Variants in OTC observed in about 807,000 individuals in gnomAD.
OTC encodes ornithine transcarbamylase.
OTC carries 3 observed loss-of-function variants against 30.3 expected under a neutral mutation model. The ratio of observed to expected loss-of-function variants is 0.10; its 90% confidence interval spans 0.05 to 0.26. The LOEUF (loss-of-function observed/expected upper bound fraction) is 0.26, where lower values mean the gene tolerates loss of function less well. OTC is among the 10% of genes least tolerant of loss of function. OTC has a pLI of 1.00. For synonymous variants in OTC, 111 were observed against 99.7 expected (o/e 1.11, Z -0.67); for missense variants, 194 against 260.3 (o/e 0.75, Z 1.75).
At chrX:38,418,540 A>G (rs1187515697) in intron 9 of OTC, among the ~76,000 whole-genome samples, 1 of 112,034 alleles carries the variant, frequency 8.9e-6, no homozygotes, top group South Asian at 3.7e-4. Flanking sequence ...TATGTGAACA[A>G]TTACAAGACT....
intron 1 of OTC, among the ~76,000 whole-genome samples, chrX:38,361,916 C>A (rs2068273484): frequency 9.0e-6 from 1 of 111,544 alleles, no homozygotes; most frequent in African/African-American, 3.3e-5. Context: ...CTTTACATGG[C>A]TTCAGATTTA....
chrX:38,378,556 A>G (rs1181280556), intron 3 of OTC, among the ~76,000 whole-genome samples: 1 of 111,720 alleles, frequency 9.0e-6, no homozygotes, highest in East Asian at 2.8e-4. Flanking sequence ...ATATAAAGCA[A>G]GTATTATTAG....
chrX:38,349,605 C>A (rs1048921152), upstream of OTC, among the ~76,000 whole-genome samples: 1 of 112,802 alleles, frequency 8.9e-6, no homozygotes, highest in Non-Finnish European at 1.9e-5. Context: ...ATGCCGGAAC[C>A]ATTCTGTTGG....
chrX:38,381,316 A>AT (rs753063591), intron 3 of OTC, 26 bp from the exon 4 acceptor site: 1 of 1,086,570 alleles, frequency 9.2e-7, no homozygotes, highest in Non-Finnish European at 1.3e-6. Context: ...TTTCAAAATG[A>AT]TTTTTTTCTT....
intron 1 of OTC, among the ~76,000 whole-genome samples, chrX:38,362,894 T>C (rs921594173): frequency 3.6e-5 from 4 of 111,967 alleles, no homozygotes; most frequent in Non-Finnish European, 7.5e-5. Context: ...TTTAGTCCTT[T>C]GCAAAATTTT....
At chrX:38,394,999 A>G (rs531505554) in intron 4 of OTC, among the ~76,000 whole-genome samples, 40 of 110,536 alleles carry the variant, frequency 3.6e-4, no homozygotes, top group African/African-American at 1.3e-3. Flanking sequence ...TTGAGACGAA[A>G]TCTCACTCTG....
intron 9 of OTC, among the ~76,000 whole-genome samples, chrX:38,420,020 TA>T (rs1234314840): frequency 9.0e-6 from 1 of 111,361 alleles, no homozygotes; most frequent in African/African-American, 3.3e-5. Context: ...TGTCTCTCCA[TA>T]AAAAAGATAG....
At chrX:38,353,016 T>C (rs1373707751) in intron 1 of OTC, among the ~76,000 whole-genome samples, 1 of 112,127 alleles carries the variant, frequency 8.9e-6, no homozygotes, top group African/African-American at 3.2e-5. Flanking sequence ...TCTTGACATC[T>C]TTCGTTTGTG....
chrX:38,351,453 C>T (rs1186306000), upstream of OTC, among the ~76,000 whole-genome samples: 1 of 111,650 alleles, frequency 9.0e-6, no homozygotes. Flanking sequence ...GTCTGGACCT[C>T]TCCTATGGGC....
the OTC span, among the ~76,000 whole-genome samples, chrX:38,332,502 TTTTATA>T: frequency 1.2e-4 from 2 of 16,436 alleles, no homozygotes; most frequent in African/African-American, 5.3e-4. Flanking sequence ...TAGCCCTAGA[TTTTATA>T]TATATATATA....
the OTC span, among the ~76,000 whole-genome samples, chrX:38,336,318 AATAAAAATT>A: frequency 9.1e-6 from 1 of 109,445 alleles, no homozygotes; most frequent in Non-Finnish European, 1.9e-5. Context: ...GAAAGGGGAG[AATAAAAATT>A]CTGACTTTAC....
chrX:38,367,450 A>G, intron 2 of OTC, 21 bp downstream of exon 2: 1 of 1,173,748 alleles, frequency 8.5e-7, no homozygotes, highest in East Asian at 3.0e-5. Context: ...TTTTCTTTTT[A>G]CGTTCCATTA....
chrX:38,408,634 A>T, intron 6 of OTC, 108 bp from the exon 7 acceptor site: 1 of 541,560 alleles, frequency 1.8e-6, no homozygotes, highest in Non-Finnish European at 3.1e-6. Flanking sequence ...GTGGGACCAC[A>T]TCTTGAAAAA....
At chrX:38,332,503 T>C in the OTC span, among the ~76,000 whole-genome samples, 14 of 63,350 alleles carry the variant, frequency 2.2e-4, no homozygotes, top group African/African-American at 1.1e-3. Flanking sequence ...AGCCCTAGAT[T>C]TTATATATAT....
chrX:38,401,694 G>T (rs1482794420), intron 5 of OTC, among the ~76,000 whole-genome samples: 2 of 111,105 alleles, frequency 1.8e-5, no homozygotes, highest in Non-Finnish European at 3.8e-5. Flanking sequence ...TGATTTTTCG[G>T]TGCCATATTT....
chrX:38,380,400 T>C (rs2068369673), intron 3 of OTC, among the ~76,000 whole-genome samples: 1 of 112,384 alleles, frequency 8.9e-6, no homozygotes, highest in Non-Finnish European at 1.9e-5. Flanking sequence ...GTAAAATTCC[T>C]TGGACAAATC....
At chrX:38,353,850 A>C (rs139265534) in intron 1 of OTC, among the ~76,000 whole-genome samples, 1,309 of 112,113 alleles carry the variant, frequency 0.012, 11 homozygotes, top group Middle Eastern at 0.069. Context: ...TTTCTTAAAC[A>C]GCTCAAATAT....
At chrX:38,379,761 C>T (rs1048772534) in intron 3 of OTC, among the ~76,000 whole-genome samples, 1 of 110,355 alleles carries the variant, frequency 9.1e-6, no homozygotes, top group African/African-American at 3.3e-5. Context: ...TCCCGAGTAG[C>T]TGGGACTACA....
At chrX:38,342,951 T>C in the OTC span, among the ~76,000 whole-genome samples, 10 of 111,992 alleles carry the variant, frequency 8.9e-5, no homozygotes, top group Non-Finnish European at 1.9e-4. Flanking sequence ...TTAGTAGATA[T>C]AGCCCAATAA....
Sources: allele counts gnomAD v4.1 joint callset (sites outside exome capture counted in the v4.1 genomes callset), GRCh38; gene constraint gnomAD v4.1.1; transcripts MANE v1.5; gene names NCBI Gene and HGNC (gene_info 2026-07-23, HGNC 2026-07-21).